POLR2F: variants seen among roughly 807,000 people sequenced by gnomAD.
The protein encoded by POLR2F is RNA polymerase II, I and III subunit F, also known as DNA-directed RNA polymerases I, II, and III subunit RPABC2.
A neutral mutation model predicts 22.7 loss-of-function variants in POLR2F; 12 were observed. The observed-to-expected ratio is 0.53, with a 90% confidence interval of 0.34 to 0.86. POLR2F has a LOEUF of 0.86. Among genes scored for constraint, POLR2F ranks in the 40% least tolerant of loss-of-function variants. POLR2F has a pLI of 0.02. For missense variants in POLR2F, 126 were observed against 171.5 expected, an observed-to-expected ratio of 0.73 and a Z score of 1.48; for synonymous variants, 57 against 66.0, an observed-to-expected ratio of 0.86 and a Z score of 0.66.
At chr22:38,019,943 G>A (rs147034771) in intron 1 of POLR2F, among the ~76,000 whole-genome samples, 3 of 152,156 alleles carry the variant, frequency 2.0e-5, no homozygotes, top group Admixed American at 2.0e-4. Flanking sequence ...GAACCCGGGA[G>A]GCAGAGGTTG....
downstream of POLR2F, among the ~76,000 whole-genome samples, chr22:38,030,910 C>T (rs1056508388): frequency 8.5e-5 from 13 of 152,118 alleles, no homozygotes; most frequent in African/African-American, 2.9e-4. Context: ...GATCAGTCGG[C>T]TGTCACCAGT....
intron 1 of POLR2F, among the ~76,000 whole-genome samples, chr22:38,003,260 TC>T (rs2084790747): frequency 6.6e-6 from 1 of 152,010 alleles, no homozygotes; most frequent in Admixed American, 6.6e-5. Flanking sequence ...AGAGTCTTGC[TC>T]TGTTGCCCAG....
intron 1 of POLR2F, chr22:38,025,430 A>G: frequency 8.6e-7 from 1 of 1,161,370 alleles, no homozygotes; most frequent in Non-Finnish European, 1.1e-6. Flanking sequence ...ACAGATACAC[A>G]TGTGCACACA....
chr22:37,975,575 T>C (rs1932195947), intron 4 of POLR2F, among the ~76,000 whole-genome samples: 1 of 152,182 alleles, frequency 6.6e-6, no homozygotes, highest in African/African-American at 2.4e-5. Context: ...AACATGTCCA[T>C]GGTCTTAAGA....
intron 1 of POLR2F, among the ~76,000 whole-genome samples, chr22:37,993,051 A>T (rs1212630555): frequency 6.6e-6 from 1 of 152,146 alleles, no homozygotes; most frequent in Non-Finnish European, 1.5e-5. Flanking sequence ...ATGCATGAGG[A>T]TTAAGAGAGT....
chr22:37,972,379 G>C, downstream of POLR2F: 1 of 482,876 alleles, frequency 2.1e-6, no homozygotes. Context: ...AGAGTGGCTA[G>C]GAGAGGGGAC....
intron 3 of POLR2F, 84 bp downstream of exon 3, chr22:37,959,560 C>G (rs1931543006): frequency 6.8e-7 from 1 of 1,464,840 alleles, no homozygotes; most frequent in African/African-American, 1.4e-5. Context: ...AGCCTGGCAC[C>G]TGAAAACAGA....
intron 1 of POLR2F, among the ~76,000 whole-genome samples, chr22:38,022,028 G>A (rs2084964070): frequency 6.6e-6 from 1 of 150,856 alleles, no homozygotes; most frequent in Admixed American, 6.6e-5. Flanking sequence ...CTACTCAGGA[G>A]GCTGAGGCAG....
Position 38,016,359 on chromosome 22 carries a change from C to G in POLR2F, c.121-9510C>G, listed in dbSNP as rs2084915213. ...GGAGCCTGCTCCTCCCTCTGTACCT[C>G]CACCAGCCGTCCCTGGGATGCTCCA... On this transcript the variant is annotated intron_variant, in intron 1 of 2. Transcript: ENST00000333418. This position sits in a 1 kb window ranked among gnomAD's most constrained non-coding sequence, Gnocchi z 4.4. Among the ~76,000 whole-genome samples, 1 of 152,262 alleles carries G rather than the reference C, an allele frequency of 6.6e-6. No homozygotes were observed. The highest frequency in any genetic ancestry group is 2.1e-4 in the South Asian group (1 of 4,832).
intron 4 of POLR2F, chr22:37,977,853 T>A: frequency 4.4e-6 from 7 of 1,602,458 alleles, no homozygotes; most frequent in Non-Finnish European, 6.0e-6. Flanking sequence ...CTCAGCTCTG[T>A]CATCAGCACT....
intron 3 of POLR2F, 25 bp from the exon 4 acceptor site, chr22:37,967,074 C>T: frequency 1.9e-6 from 3 of 1,589,174 alleles, no homozygotes; most frequent in East Asian, 2.2e-5. Flanking sequence ...TGTAGTCTCC[C>T]TAACACCTGT....
chr22:37,995,806 T>C (rs901299367), intron 1 of POLR2F, among the ~76,000 whole-genome samples: 8 of 150,816 alleles, frequency 5.3e-5, no homozygotes, highest in African/African-American at 2.0e-4. Context: ...CTACTTGTTA[T>C]CATGGCGAAA....
chr22:37,968,751 C>G lies in POLR2F; in HGVS notation c.*1036C>G. 1 of 985,480 alleles carries G rather than the reference C, an allele frequency of 1.0e-6. No individual in the cohort carries two copies. Among genetic ancestry groups the G allele is most frequent in the Non-Finnish European group, 1.2e-6 (1 of 829,958 alleles). The allele number at this position is 985,480 out of a possible 1,614,324, so 61.0% of individuals were successfully genotyped here. A position where few individuals can be genotyped will look rare whatever the true frequency, so the allele number is the denominator to read the frequency against. Reference sequence around the variant, plus strand: ...CTCCATTCCACTGCCAGCTCCCCTTCAAAGAGGAGGAGCTGGGCTTCCCTA... The same window carrying G: ...CTCCATTCCACTGCCAGCTCCCCTTGAAAGAGGAGGAGCTGGGCTTCCCTA... On this transcript the variant is annotated 3_prime_UTR_variant, in exon 5 of 5. Transcript: ENST00000442738.
At chr22:37,983,592 C>A, upstream of POLR2F, 1 of 1,609,060 alleles carries the variant, frequency 6.2e-7, no homozygotes. The surrounding 1 kb of genome is among the most constrained non-coding windows in gnomAD (Gnocchi z 9.5). Context: ...AACTTGTCAT[C>A]GTCCGCCTCG....
intron 2 of POLR2F, 90 bp downstream of exon 2, chr22:37,956,932 A>T (rs535401688): frequency 7.9e-6 from 8 of 1,017,736 alleles, no homozygotes; most frequent in Non-Finnish European, 7.8e-6. Context: ...TCTGCCTTCT[A>T]TTTGTGGTCA....
At chr22:38,040,123 A>C (rs1448369402) in intron 5 of POLR2F, among the ~76,000 whole-genome samples, 1 of 151,760 alleles carries the variant, frequency 6.6e-6, no homozygotes. Flanking sequence ...AAAAGATTAA[A>C]AAATTAGCTA....
At chr22:37,964,033 C>T (rs556004569) in intron 3 of POLR2F, among the ~76,000 whole-genome samples, 54 of 151,250 alleles carry the variant, frequency 3.6e-4, no homozygotes, top group Non-Finnish European at 6.0e-4. Context: ...ACCTGGGAGG[C>T]GGAGGTTGCA....
chr22:38,006,303 C>A (rs1014580721), intron 1 of POLR2F, among the ~76,000 whole-genome samples: 15 of 152,166 alleles, frequency 9.9e-5, no homozygotes, highest in Non-Finnish European at 1.8e-4. Flanking sequence ...GGGCAGCGAA[C>A]CAGTGAGCGA....
At position 38,017,884 on chromosome 22, in the gene POLR2F, T is replaced by G. The variant is rs1357833351; in HGVS notation, c.121-7985T>G. 6.6e-6 allele frequency among the ~76,000 whole-genome samples: 1 copy of G among 152,228 alleles called. No homozygotes were observed. The highest frequency in any genetic ancestry group is 1.5e-5 in the Non-Finnish European group (1 of 68,036). On this transcript the variant is annotated intron_variant, in intron 1 of 2. Transcript: ENST00000333418. The surrounding 1 kb of genome is among the most constrained non-coding windows in gnomAD (Gnocchi z 4.1). ...CTCATTGGAACCATATGGAACAAGT[T>G]AAGCCTCCCTGAGAATTGGTTTCCT... is the stretch of plus-strand genomic sequence containing the variant.
Sources: gnomAD v4.1 joint callset for allele counts (sites outside exome capture counted in the v4.1 genomes callset) on GRCh38, gnomAD v4.1.1 for gene constraint, Gnocchi (gnomAD v3.1) non-coding constraint, MANE v1.5 for transcripts, NCBI Gene and HGNC (gene_info 2026-07-23, HGNC 2026-07-21) for gene names.